Variants in DTNA observed in about 807,000 individuals in gnomAD.
The protein encoded by DTNA is dystrophin-related protein 3.
In DTNA, 43 loss-of-function variants were observed where a neutral mutation model predicts 100.7. The ratio of observed to expected loss-of-function variants is 0.43; its 90% confidence interval spans 0.33 to 0.55. The LOEUF is 0.55. DTNA is among the 20% of genes least tolerant of loss of function. The pLI, the probability that DTNA is intolerant of heterozygous loss-of-function variation, is 0.04. For synonymous variants in DTNA, 349 were observed against 347.9 expected, an observed-to-expected ratio of 1.00 and a Z score of -0.04; for missense variants, 798 against 953.9, an observed-to-expected ratio of 0.84 and a Z score of 2.15.
At chr18:34,881,934 TA>T in intron 20 of DTNA, 134 bp from the exon 21 acceptor site, 1 of 1,230,150 alleles carries the variant, frequency 8.1e-7, no homozygotes, top group Non-Finnish European at 1.2e-6. Flanking sequence ...TAGGTATTAC[TA>T]AAGAAGACAT....
At chr18:34,780,921 C>T (rs1429163872) in intron 3 of DTNA, among the ~76,000 whole-genome samples, 1 of 152,212 alleles carries the variant, frequency 6.6e-6, no homozygotes, top group Non-Finnish European at 1.5e-5. Flanking sequence ...AACCTAGCTG[C>T]TCTGTCCTGC....
At chr18:34,510,580 T>G (rs1453434994) in intron 1 of DTNA, among the ~76,000 whole-genome samples, 4 of 151,812 alleles carry the variant, frequency 2.6e-5, no homozygotes, top group Non-Finnish European at 4.4e-5. Context: ...CCACGCCTTT[T>G]ATGAGCCCCT....
chr18:34,738,734 T>C (rs1360473599), intron 1 of DTNA, among the ~76,000 whole-genome samples: 1 of 152,228 alleles, frequency 6.6e-6, no homozygotes, highest in East Asian at 1.9e-4. Context: ...GCCAGTCTGC[T>C]TAGTCATGCC....
At chr18:34,834,253 T>C (rs765049502) in intron 11 of DTNA, among the ~76,000 whole-genome samples, 4 of 151,770 alleles carry the variant, frequency 2.6e-5, no homozygotes, top group Non-Finnish European at 5.9e-5. Flanking sequence ...TCCAGCACTT[T>C]GGGAGGCGAC....
chr18:34,632,444 G>T (rs758705930), intron 1 of DTNA, among the ~76,000 whole-genome samples: 18 of 152,134 alleles, frequency 1.2e-4, no homozygotes, highest in Non-Finnish European at 8.8e-5. Context: ...ATAACGCTGG[G>T]CATGGTGCCT....
chr18:34,851,259 G>C (rs2096473034), intron 14 of DTNA, among the ~76,000 whole-genome samples: 1 of 152,012 alleles, frequency 6.6e-6, no homozygotes, highest in Non-Finnish European at 1.5e-5. Context: ...GTGCCACCAG[G>C]CCCAACTAAT....
chr18:34,667,331 G>A (rs1316458610), intron 1 of DTNA, among the ~76,000 whole-genome samples: 28 of 152,164 alleles, frequency 1.8e-4, no homozygotes, highest in Middle Eastern at 3.2e-3. Flanking sequence ...GGGCTGAGAC[G>A]ATGGGGTTTT....
chr18:34,651,170 C>T (rs2060398349), intron 1 of DTNA, among the ~76,000 whole-genome samples: 1 of 152,148 alleles, frequency 6.6e-6, no homozygotes, highest in Non-Finnish European at 1.5e-5. Flanking sequence ...TGAGCTGTGG[C>T]AACTAGAATT....
chr18:34,517,460 C>CATGTGTGTGTGTGT (rs57616989), intron 1 of DTNA, among the ~76,000 whole-genome samples: 25,495 of 148,884 alleles, frequency 0.17, 2,713 homozygotes, highest in Non-Finnish European at 0.24. Context: ...TTTATATACA[C>CATGTGTGTGTGTGT]GTGTGTGTGT....
chr18:34,686,880 AT>A (rs530602126), intron 1 of DTNA, among the ~76,000 whole-genome samples: 127 of 152,116 alleles, frequency 8.3e-4, no homozygotes, highest in South Asian at 6.2e-4. Context: ...GGGAGGGTGT[AT>A]GTGTCCAAGA....
intron 18 of DTNA, among the ~76,000 whole-genome samples, chr18:34,877,382 C>T (rs2096828848): frequency 6.6e-6 from 1 of 152,214 alleles, no homozygotes; most frequent in Non-Finnish European, 1.5e-5. Context: ...AGGGTGACCA[C>T]ACGCACTGGT....
intron 1 of DTNA, among the ~76,000 whole-genome samples, chr18:34,654,907 C>T (rs569013658): frequency 2.0e-5 from 3 of 151,996 alleles, no homozygotes; most frequent in East Asian, 1.9e-4. Flanking sequence ...TTGTATTTTT[C>T]GTAGAGACGG....
intron 1 of DTNA, among the ~76,000 whole-genome samples, chr18:34,530,725 T>G (rs2043057334): frequency 6.6e-6 from 1 of 152,098 alleles, no homozygotes; most frequent in South Asian, 2.1e-4. Flanking sequence ...AATTTGCTCG[T>G]AGGGAAGATT....
At chr18:34,744,386 G>A (rs1385174906) in intron 1 of DTNA, among the ~76,000 whole-genome samples, 1 of 152,088 alleles carries the variant, frequency 6.6e-6, no homozygotes, top group East Asian at 1.9e-4. Context: ...ACACATCATG[G>A]ATATCATGAT....
In DTNA at chr18:34,810,433, C is replaced by T. The variant is rs150971752; in HGVS notation, c.449-1526C>T. On this transcript the variant is annotated intron_variant, in intron 5 of 22. Transcript: ENST00000444659. ...TATGTTAAGTAAAATAAGTCACGCACGGAAAGATAAATACTGCATGTTCTC... is the reference window on the plus strand; with the variant it reads ...TATGTTAAGTAAAATAAGTCACGCATGGAAAGATAAATACTGCATGTTCTC... Among the ~76,000 whole-genome samples the T allele has an allele frequency of 8.8e-4, 132 of 149,708 alleles. 1 individual carries two copies. The highest frequency in any genetic ancestry group is 2.3e-3 in the African/African-American group (92 of 40,450).
At chr18:34,748,085 G>T (rs1208326525) in intron 1 of DTNA, among the ~76,000 whole-genome samples, 1 of 151,980 alleles carries the variant, frequency 6.6e-6, no homozygotes, top group Non-Finnish European at 1.5e-5. Flanking sequence ...TCATATGTTT[G>T]TTGGCCTTTT....
intron 3 of DTNA, among the ~76,000 whole-genome samples, chr18:34,768,526 G>A (rs1284527174): frequency 1.3e-5 from 2 of 152,088 alleles, no homozygotes; most frequent in Non-Finnish European, 2.9e-5. Flanking sequence ...CTCTGAGAAA[G>A]GCACTTTCTC....
At chr18:34,547,681 C>A (rs1256157158) in intron 1 of DTNA, among the ~76,000 whole-genome samples, 4 of 152,122 alleles carry the variant, frequency 2.6e-5, no homozygotes, top group Non-Finnish European at 5.9e-5. Context: ...CAGAACAAAC[C>A]TGTTTACATA....
At chr18:34,538,540 C>T (rs2043940760) in intron 1 of DTNA, among the ~76,000 whole-genome samples, 1 of 151,964 alleles carries the variant, frequency 6.6e-6, no homozygotes, top group Non-Finnish European at 1.5e-5. Context: ...ATAGTTTTCT[C>T]ATGGAGCGTT....
Sources: gnomAD v4.1 joint callset for allele counts (sites outside exome capture counted in the v4.1 genomes callset) on GRCh38, gnomAD v4.1.1 for gene constraint, MANE v1.5 for transcripts, NCBI Gene and HGNC (gene_info 2026-07-23, HGNC 2026-07-21) for gene names.